GEM: variants seen among roughly 807,000 people sequenced by gnomAD.
The protein encoded by GEM is GTP binding protein overexpressed in skeletal muscle.
GEM carries 31 observed loss-of-function variants against 33.0 expected under a neutral mutation model. That is an observed-to-expected ratio of 0.94 (90% CI 0.71 to 1.27). The LOEUF (loss-of-function observed/expected upper bound fraction) is 1.27. GEM is among the 50% of genes most tolerant of loss of function. GEM has a pLI of 0.00. For synonymous variants in GEM, 141 were observed against 143.7 expected, an observed-to-expected ratio of 0.98 and a Z score of 0.13; for missense variants, 354 against 390.5, an observed-to-expected ratio of 0.91 and a Z score of 0.79.
chr8:94,259,162 T>G (rs1808962580), intron 2 of GEM, among the ~76,000 whole-genome samples: 1 of 152,172 alleles, frequency 6.6e-6, no homozygotes. Context: ...CATGAGGCAG[T>G]GAACTCCTTG....
intron 4 of GEM, among the ~76,000 whole-genome samples, chr8:94,251,689 C>T (rs1235048842): frequency 6.6e-6 from 1 of 152,178 alleles, no homozygotes; most frequent in African/African-American, 2.4e-5. Context: ...CAATGAAACT[C>T]TTTCTCACAG....
Position 94,250,115 on chromosome 8 carries a change from C to G in GEM, c.*195G>C. 1 of 577,586 alleles carries G rather than the reference C, an allele frequency of 1.7e-6. No individual in the cohort carries two copies. The highest frequency in any genetic ancestry group is 3.2e-5 in the Admixed American group (1 of 30,782). 35.8% of individuals were successfully genotyped at this position (577,586 alleles called of 1,614,324 possible). ...TTCAAATAGCAAGGTCAGGCTTTTC[C>G]TGGAAATAAATACTGACTTTTTACA... On this transcript the variant is annotated 3_prime_UTR_variant, in exon 5 of 5. Coordinates refer to ENST00000297596, the MANE Select transcript of GEM (RefSeq NM_005261.4).
chr8:94,256,513 T>C (rs978599919), intron 2 of GEM, among the ~76,000 whole-genome samples: 51 of 152,164 alleles, frequency 3.4e-4, no homozygotes, highest in African/African-American at 1.1e-3. Context: ...GCCCAAGTGT[T>C]CTCTCACTGC....
In GEM at chr8:94,253,113, C is replaced by G; in HGVS notation, c.332-1G>C. The G allele has an allele frequency of 6.5e-7, 1 of 1,543,826 alleles. No individual in the cohort carries two copies. Among genetic ancestry groups the G allele is most frequent in the Non-Finnish European group, 9.0e-7 (1 of 1,116,304 alleles). ...ATCAGGGTTCGTTCATATGTATCTTCTAGAGAAGAAAGAACAAAGATATTG... is the reference window on the plus strand; with the variant it reads ...ATCAGGGTTCGTTCATATGTATCTTGTAGAGAAGAAAGAACAAAGATATTG... On this transcript the variant is annotated splice_acceptor_variant, in intron 2 of 4. Transcript: ENST00000297596. LOFTEE classifies it high-confidence loss of function.
intron 3 of GEM, 62 bp from the exon 4 acceptor site, chr8:94,252,285 G>T: frequency 8.8e-7 from 1 of 1,138,158 alleles, no homozygotes; most frequent in Non-Finnish European, 1.3e-6. Context: ...GCATCAGTTT[G>T]CAAAGAAACA....
chr8:94,260,138 G>C (rs1314941901), intron 2 of GEM, 35 bp downstream of exon 2: 2 of 1,397,300 alleles, frequency 1.4e-6, no homozygotes, highest in South Asian at 2.4e-5. Context: ...GGCCACCCCT[G>C]GTGGAAAGAA....
chr8:94,250,776 G>T (rs1328706184), intron 4 of GEM, among the ~76,000 whole-genome samples, 189 bp from the exon 5 acceptor site: 1 of 152,238 alleles, frequency 6.6e-6, no homozygotes, highest in Non-Finnish European at 1.5e-5. Context: ...CTGGAAGTAA[G>T]GGAGATGGGC....
intron 1 of GEM, chr8:94,260,724 C>T (rs898122343): frequency 1.4e-5 from 7 of 507,716 alleles, no homozygotes; most frequent in South Asian, 3.4e-5. Context: ...CAGTAACCAG[C>T]TCCTCAGGCA....
At chr8:94,253,152 A>T in intron 2 of GEM, 40 bp from the exon 3 acceptor site, 1 of 1,029,378 alleles carries the variant, frequency 9.7e-7, no homozygotes, top group East Asian at 2.4e-5. Flanking sequence ...TCAGGCGAAT[A>T]TGCAACACTT....
intron 2 of GEM, among the ~76,000 whole-genome samples, chr8:94,257,034 C>T (rs1044401829): frequency 2.0e-5 from 3 of 152,168 alleles, no homozygotes; most frequent in African/African-American, 7.2e-5. Flanking sequence ...ATGAGACTTC[C>T]GTACTTTGCT....
intron 2 of GEM, among the ~76,000 whole-genome samples, chr8:94,256,864 A>C (rs1393131406): frequency 6.6e-6 from 1 of 152,216 alleles, no homozygotes; most frequent in Non-Finnish European, 1.5e-5. Flanking sequence ...CTCCATGCTC[A>C]ACATGTTATA....
At chr8:94,260,779 C>A in intron 1 of GEM, 1 of 369,996 alleles carries the variant, frequency 2.7e-6, no homozygotes, top group Non-Finnish European at 4.9e-6. Flanking sequence ...ACATCACCCA[C>A]TGCCCATGGG....
intron 2 of GEM, among the ~76,000 whole-genome samples, chr8:94,257,583 T>A (rs1808917969): frequency 6.6e-6 from 1 of 152,142 alleles, no homozygotes; most frequent in Non-Finnish European, 1.5e-5. Context: ...CCACATCCTA[T>A]CTCAATTTCT....
In GEM at chr8:94,260,297, AGAG is replaced by A. The variant is rs764523532; in HGVS notation, c.204_206del (p.Ser69del). ...CTCGGTAGTAGGTGTTCCCTGACTCAGAGGAGATGACTGAGTCTGTGGAGTCAG... is the reference window on the plus strand; with the variant it reads ...CTCGGTAGTAGGTGTTCCCTGACTCAGAGATGACTGAGTCTGTGGAGTCAG... On this transcript the variant is annotated inframe_deletion, in exon 2 of 5. Transcript: ENST00000297596. 1.2e-6 allele frequency: 2 copies of A among 1,614,184 alleles called. No homozygotes were observed. Among genetic ancestry groups the A allele is most frequent in the South Asian group, 2.2e-5 (2 of 91,088 alleles).
intron 2 of GEM, chr8:94,259,955 G>T: frequency 2.1e-6 from 1 of 485,498 alleles, no homozygotes; most frequent in Non-Finnish European, 3.7e-6. Context: ...TCCCTTTCTG[G>T]CCCAGGATCA....
In GEM at chr8:94,250,605, A is replaced by G; in HGVS notation, c.614-18T>C. The G allele has an allele frequency of 6.2e-7, 1 of 1,605,096 alleles. No individual in the cohort carries two copies. Among genetic ancestry groups the G allele is most frequent in the South Asian group, 1.1e-5 (1 of 89,998 alleles). On this transcript the variant is annotated intron_variant, in intron 4 of 4. Coordinates refer to ENST00000297596, the MANE Select transcript of GEM (RefSeq NM_005261.4). ...TCTCCCTTCTGGGAAGGAAAGAAAG[A>G]GGTCAGAGGGACTGCAGAGCACAGT...
chr8:94,250,302 C>T lies in GEM; in HGVS notation c.*8G>A, dbSNP rs770550698. The T allele has an allele frequency of 6.2e-7, 1 of 1,604,302 alleles. No homozygotes were observed. Among genetic ancestry groups the T allele is most frequent in the African/African-American group, 1.3e-5 (1 of 74,650 alleles). Reference sequence around the variant, plus strand: ...CCATCAAAGGGACATCTGGGTGACCCTGGGTTCCTAGAGTACAGAGAGGTC... The same window carrying T: ...CCATCAAAGGGACATCTGGGTGACCTTGGGTTCCTAGAGTACAGAGAGGTC... On this transcript the variant is annotated 3_prime_UTR_variant, in exon 5 of 5. Transcript: ENST00000297596.
At chr8:94,261,378 G>C (rs1231210795) in intron 1 of GEM, among the ~76,000 whole-genome samples, 1 of 152,084 alleles carries the variant, frequency 6.6e-6, no homozygotes, top group Non-Finnish European at 1.5e-5. Context: ...TCAGGGTCTT[G>C]CTCTGTCACC....
At chr8:94,252,981 A>T in intron 3 of GEM, 55 bp downstream of exon 3, 1 of 1,002,040 alleles carries the variant, frequency 1.0e-6, no homozygotes, top group Non-Finnish European at 1.6e-6. Flanking sequence ...TGCACCAAAC[A>T]ACTTGTTGAA....
Sources: gnomAD v4.1 joint callset for allele counts (sites outside exome capture counted in the v4.1 genomes callset) on GRCh38, gnomAD v4.1.1 for gene constraint, MANE v1.5 for transcripts, NCBI Gene and HGNC (gene_info 2026-07-23, HGNC 2026-07-21) for gene names.